Variants in SYT1 observed in about 807,000 individuals in gnomAD.
SYT1 encodes the protein synaptotagmin-1.
A neutral mutation model predicts 44.8 loss-of-function variants in SYT1; 8 were observed. The observed-to-expected ratio is 0.18, with a 90% confidence interval of 0.10 to 0.32. SYT1 has a LOEUF of 0.32. Ranked by LOEUF, SYT1 falls within the 10% of genes least tolerant of loss-of-function variation. SYT1 has a pLI of 1.00. For missense variants in SYT1, 286 were observed against 509.3 expected (o/e 0.56, Z 4.22); for synonymous variants, 154 against 188.8 (o/e 0.82, Z 1.51).
At position 79,073,841 on chromosome 12, in the gene SYT1, A is replaced by G. The variant is rs1342881789; in HGVS notation, c.-18+26479A>G. Reference sequence around the variant, plus strand: ...TCCCTTTATCTCTGCCTCTCAGCACAGGCACCTATCTGTCTTCATATATAG... The same window carrying G: ...TCCCTTTATCTCTGCCTCTCAGCACGGGCACCTATCTGTCTTCATATATAG... On this transcript the variant is annotated intron_variant, in intron 3 of 10. Transcript: ENST00000261205. 2.6e-5 allele frequency among the ~76,000 whole-genome samples: 4 copies of G among 152,108 alleles called. No individual in the cohort carries two copies. The East Asian group carries it at 7.7e-4, about 29-fold the overall frequency.
chr12:79,058,796 A>G (rs1875152940), intron 3 of SYT1, among the ~76,000 whole-genome samples: 1 of 152,094 alleles, frequency 6.6e-6, no homozygotes, highest in African/African-American at 2.4e-5. Context: ...GTGGGAATTC[A>G]GCCTTAAATG....
At chr12:79,221,875 A>C (rs1875184769) in intron 4 of SYT1, among the ~76,000 whole-genome samples, 1 of 152,160 alleles carries the variant, frequency 6.6e-6, no homozygotes, top group African/African-American at 2.4e-5. Context: ...TTGACTGTGT[A>C]CTTACTTTTA....
At chr12:78,936,076 T>C (rs1878040162) in intron 1 of SYT1, among the ~76,000 whole-genome samples, 1 of 152,160 alleles carries the variant, frequency 6.6e-6, no homozygotes, top group Non-Finnish European at 1.5e-5. Context: ...ATTATTTTAT[T>C]ATAATAAAAT....
At chr12:79,413,816 A>G (rs1479634017) in intron 9 of SYT1, among the ~76,000 whole-genome samples, 1 of 152,216 alleles carries the variant, frequency 6.6e-6, no homozygotes, top group African/African-American at 2.4e-5. Context: ...AGGTAATTGC[A>G]TGCCTAAATA....
chr12:78,887,119 A>G (rs746970360), intron 1 of SYT1, among the ~76,000 whole-genome samples: 12 of 152,006 alleles, frequency 7.9e-5, no homozygotes, highest in Non-Finnish European at 1.8e-4. Flanking sequence ...AAATGGAAAA[A>G]TTCCAGAAAT....
chr12:78,878,804 A>G (rs1874306297), intron 1 of SYT1, among the ~76,000 whole-genome samples: 2 of 151,756 alleles, frequency 1.3e-5, no homozygotes, highest in Non-Finnish European at 2.9e-5. Flanking sequence ...ATTGCGGATC[A>G]GAGTGTTTGG....
chr12:78,939,878 T>C (rs1514924), intron 1 of SYT1, among the ~76,000 whole-genome samples: 61,475 of 152,064 alleles, frequency 0.4, 13,016 homozygotes, highest in East Asian at 0.66. Context: ...GACAATGCCC[T>C]ATCTGCTAGC....
At chr12:79,239,474 A>C (rs752785331) in intron 4 of SYT1, among the ~76,000 whole-genome samples, 25 of 152,256 alleles carry the variant, frequency 1.6e-4, no homozygotes, top group African/African-American at 2.4e-4. Flanking sequence ...TAATGCATTT[A>C]CATTGGTCCA....
At chr12:79,231,991 C>A (rs2138620061) in intron 4 of SYT1, among the ~76,000 whole-genome samples, 1 of 152,274 alleles carries the variant, frequency 6.6e-6, no homozygotes, top group African/African-American at 2.4e-5. Context: ...GTATGAGCTG[C>A]AAAGTTGGTC....
At chr12:79,035,205 G>A (rs1301083194) in intron 2 of SYT1, among the ~76,000 whole-genome samples, 1 of 151,700 alleles carries the variant, frequency 6.6e-6, no homozygotes, top group Non-Finnish European at 1.5e-5. Context: ...TGCTGGGTTT[G>A]AATATGGAGC....
intron 4 of SYT1, among the ~76,000 whole-genome samples, chr12:79,246,373 T>C (rs1876851565): frequency 6.6e-6 from 1 of 152,216 alleles, no homozygotes; most frequent in Non-Finnish European, 1.5e-5. Context: ...CCAGTTCTTC[T>C]CTTCTTTCTC....
intron 2 of SYT1, among the ~76,000 whole-genome samples, chr12:79,030,665 A>G (rs1234534475): frequency 6.6e-6 from 1 of 151,088 alleles, no homozygotes; most frequent in Admixed American, 6.6e-5. Context: ...TTTAAACAGC[A>G]TTTGGGAAAA....
At chr12:79,106,586 C>A (rs1372532714) in intron 3 of SYT1, among the ~76,000 whole-genome samples, 2 of 147,896 alleles carry the variant, frequency 1.4e-5, no homozygotes, top group African/African-American at 5.0e-5. Flanking sequence ...AATTTACTTA[C>A]AAAACTCTCA....
At chr12:79,363,901 G>A (rs1344130123) in intron 9 of SYT1, among the ~76,000 whole-genome samples, 1 of 152,082 alleles carries the variant, frequency 6.6e-6, no homozygotes, top group Admixed American at 6.6e-5. Flanking sequence ...GAGCTACTTT[G>A]AGAGCAGGGA....
intron 9 of SYT1, among the ~76,000 whole-genome samples, chr12:79,360,457 G>T (rs1357162067): frequency 1.3e-5 from 2 of 151,990 alleles, no homozygotes; most frequent in Non-Finnish European, 2.9e-5. Context: ...CCTTCCACTG[G>T]TGCTGAAAGC....
chr12:79,354,241 A>G (rs770045349), intron 9 of SYT1, among the ~76,000 whole-genome samples: 7 of 152,152 alleles, frequency 4.6e-5, no homozygotes, highest in African/African-American at 1.2e-4. Flanking sequence ...AGCAAAGTCA[A>G]CTCAAGGACT....
chr12:78,904,035 G>A (rs1266211220), intron 1 of SYT1, among the ~76,000 whole-genome samples: 2 of 151,656 alleles, frequency 1.3e-5, no homozygotes, highest in Admixed American at 6.6e-5. Flanking sequence ...TATTCAGTAA[G>A]AAAAATAATA....
chr12:79,136,711 C>T (rs1432676337), intron 3 of SYT1, among the ~76,000 whole-genome samples: 1 of 152,074 alleles, frequency 6.6e-6, no homozygotes, highest in Non-Finnish European at 1.5e-5. Flanking sequence ...ATTTATTGCT[C>T]TTGCTAAACT....
chr12:79,253,498 TCTC>T (rs1280631646), intron 4 of SYT1, among the ~76,000 whole-genome samples: 2 of 150,884 alleles, frequency 1.3e-5, no homozygotes, highest in African/African-American at 4.9e-5. Flanking sequence ...TCTCTCTCTC[TCTC>T]TCTCTCTCTC....
Sources: gnomAD v4.1 joint callset for allele counts (sites outside exome capture counted in the v4.1 genomes callset) on GRCh38, gnomAD v4.1.1 for gene constraint, MANE v1.5 for transcripts, NCBI Gene and HGNC (gene_info 2026-07-23, HGNC 2026-07-21) for gene names.